NXPE2: variants seen among roughly 807,000 people sequenced by gnomAD.
NXPE2 encodes NXPE family member 2.
Under a neutral mutation model 34.4 loss-of-function variants are expected in NXPE2, and 34 were observed. That is an observed-to-expected ratio of 0.99 (90% CI 0.75 to 1.31). NXPE2 has a LOEUF of 1.31. NXPE2 is among the 40% of genes most tolerant of loss of function. NXPE2 has a pLI of 0.00. For missense variants in NXPE2, 649 were observed against 672.5 expected (o/e 0.97, Z 0.39); for synonymous variants, 235 against 231.3 (o/e 1.02, Z -0.15).
chr11:114,562,464 T>A, the NXPE2 span, among the ~76,000 whole-genome samples: 1 of 152,210 alleles, frequency 6.6e-6, no homozygotes, highest in Non-Finnish European at 1.5e-5. Flanking sequence ...CTTTACTGAT[T>A]TCAGTAGGAA....
At chr11:114,522,286 A>G in the NXPE2 span, 3 of 1,614,082 alleles carry the variant, frequency 1.9e-6, no homozygotes, top group East Asian at 6.7e-5. Context: ...GAAATGGTCT[A>G]AAGTGCTGGC....
At chr11:114,561,344 G>A in the NXPE2 span, among the ~76,000 whole-genome samples, 49 of 152,258 alleles carry the variant, frequency 3.2e-4, no homozygotes, top group East Asian at 5.2e-3. Flanking sequence ...CCCACTCAGC[G>A]TAACGTCCAC....
At chr11:114,539,859 A>G in the NXPE2 span, among the ~76,000 whole-genome samples, 1 of 152,206 alleles carries the variant, frequency 6.6e-6, no homozygotes, top group African/African-American at 2.4e-5. Context: ...AGAAAATTAT[A>G]TTTCGTAAAT....
chr11:114,571,263 T>A, the NXPE2 span: 1 of 1,614,054 alleles, frequency 6.2e-7, no homozygotes, highest in Non-Finnish European at 8.5e-7. Flanking sequence ...TCTGAAATGC[T>A]GGCCCAGGGA....
At chr11:114,640,279 CATT>C in the NXPE2 span, among the ~76,000 whole-genome samples, 23 of 136,274 alleles carry the variant, frequency 1.7e-4, no homozygotes, top group Non-Finnish European at 2.3e-4. Context: ...ATATATAATA[CATT>C]ATTTTGTTCA....
chr11:114,602,422 A>G, the NXPE2 span, among the ~76,000 whole-genome samples: 1 of 133,148 alleles, frequency 7.5e-6, no homozygotes, highest in Non-Finnish European at 1.5e-5. Flanking sequence ...GAACATATCA[A>G]TAAATGTAAT....
At chr11:114,585,449 A>G in the NXPE2 span, among the ~76,000 whole-genome samples, 2 of 152,136 alleles carry the variant, frequency 1.3e-5, no homozygotes, top group Non-Finnish European at 2.9e-5. Flanking sequence ...TATTCCATGC[A>G]AATGGAAACC....
the NXPE2 span, among the ~76,000 whole-genome samples, chr11:114,596,826 AT>A: frequency 2.4e-4 from 37 of 152,170 alleles, no homozygotes; most frequent in Non-Finnish European, 4.9e-4. Flanking sequence ...GGTCACATAG[AT>A]TTTGAAATCT....
the NXPE2 span, among the ~76,000 whole-genome samples, chr11:114,497,416 T>C: frequency 6.6e-6 from 1 of 152,226 alleles, no homozygotes; most frequent in Non-Finnish European, 1.5e-5. Flanking sequence ...CTTCCAGTCC[T>C]GCAAGCTCCA....
the NXPE2 span, among the ~76,000 whole-genome samples, chr11:114,562,899 T>G: frequency 2.0e-5 from 3 of 152,204 alleles, no homozygotes; most frequent in African/African-American, 7.2e-5. Flanking sequence ...CCTAACATGC[T>G]TAAGCCATAC....
At chr11:114,467,173 C>T in the NXPE2 span, among the ~76,000 whole-genome samples, 1 of 152,190 alleles carries the variant, frequency 6.6e-6, no homozygotes, top group Non-Finnish European at 1.5e-5. Flanking sequence ...AAGCATAACA[C>T]TGACGTTTGT....
At chr11:114,637,127 C>T in the NXPE2 span, among the ~76,000 whole-genome samples, 1 of 151,666 alleles carries the variant, frequency 6.6e-6, no homozygotes, top group Non-Finnish European at 1.5e-5. Flanking sequence ...TCAGGACTTG[C>T]TTTATGAATC....
intron 1 of NXPE2, among the ~76,000 whole-genome samples, chr11:114,679,053 T>TTC (rs1405413933): frequency 6.6e-6 from 1 of 151,918 alleles, no homozygotes; most frequent in African/African-American, 2.4e-5. Flanking sequence ...AACACTGAAA[T>TTC]TCTAACCACT....
At chr11:114,468,777 A>G in the NXPE2 span, among the ~76,000 whole-genome samples, 1 of 152,202 alleles carries the variant, frequency 6.6e-6, no homozygotes, top group Non-Finnish European at 1.5e-5. Context: ...TTTAATCTTC[A>G]TAGCAACCCT....
the NXPE2 span, among the ~76,000 whole-genome samples, chr11:114,657,697 T>G: frequency 6.6e-6 from 1 of 152,142 alleles, no homozygotes; most frequent in African/African-American, 2.4e-5. Flanking sequence ...AAAACACTGT[T>G]TTGAGAAATA....
chr11:114,644,212 A>G, the NXPE2 span, among the ~76,000 whole-genome samples: 2 of 152,126 alleles, frequency 1.3e-5, no homozygotes, highest in African/African-American at 4.8e-5. Flanking sequence ...CAGAGACAAT[A>G]TGACTTCCTC....
chr11:114,633,333 CATTTT>C, the NXPE2 span, among the ~76,000 whole-genome samples: 8 of 136,344 alleles, frequency 5.9e-5, no homozygotes, highest in African/African-American at 2.2e-4. Context: ...TGTGGTATTA[CATTTT>C]ATTATATGAT....
the NXPE2 span, among the ~76,000 whole-genome samples, chr11:114,772,320 T>C: frequency 2.0e-5 from 3 of 152,118 alleles, no homozygotes; most frequent in African/African-American, 7.2e-5. Flanking sequence ...CAGACTCTGA[T>C]TGGAGCTTCC....
the NXPE2 span, among the ~76,000 whole-genome samples, chr11:114,592,300 G>A: frequency 5.3e-5 from 8 of 152,044 alleles, no homozygotes; most frequent in African/African-American, 1.9e-4. Context: ...AAAACTGTCA[G>A]AACTGATTTT....
Sources: allele counts gnomAD v4.1 joint callset (sites outside exome capture counted in the v4.1 genomes callset), GRCh38; gene constraint gnomAD v4.1.1; transcripts MANE v1.5; gene names NCBI Gene and HGNC (gene_info 2026-07-23, HGNC 2026-07-21).